RYR1: variants seen among roughly 807,000 people sequenced by gnomAD.
RYR1 encodes the protein ryanodine receptor 1.
RYR1 carries 342 observed loss-of-function variants against 583.5 expected under a neutral mutation model. The ratio of observed to expected loss-of-function variants is 0.59; its 90% CI spans 0.54 to 0.64. The LOEUF is 0.64. RYR1 is among the 30% of genes least tolerant of loss of function. RYR1 has a pLI of 0.00. For synonymous variants in RYR1, 2,791 were observed against 2,822.5 expected, an observed-to-expected ratio of 0.99 and a Z score of 0.35; for missense variants, 6,032 against 6,917.2, an observed-to-expected ratio of 0.87 and a Z score of 4.54.
rs143179371 is a variant in RYR1 at position 38,466,117 on chromosome 19, C to T, written c.2897C>T (p.Pro966Leu). The change falls in exon 24 of 106, where the codon CCG (proline) becomes CTG (leucine). Residue 966 changes from proline to leucine, a missense_variant. Physicochemically the swap from Pro to Leu is moderately conservative, Grantham distance 98. Around this residue, in one of 11 missense-constraint regions of RYR1, gnomAD observed 2,627 missense variants for 2,961.3 expected, o/e 0.89. Transcript: ENST00000359596. ...TATATGATGAGCAATGGGTACAAGCCGGCTCCGCTGGACCTGAGCCACGTG... is the reference window on the plus strand; with the variant it reads ...TATATGATGAGCAATGGGTACAAGCTGGCTCCGCTGGACCTGAGCCACGTG... ...KTYMMSNGYK[P>L]APLDLSHVRL... is the part of the protein sequence containing the mutation. 35 of 1,612,132 alleles carry T rather than the reference C, an allele frequency of 2.2e-5. No individual in the cohort carries two copies. Among genetic ancestry groups the T allele is most frequent in the African/African-American group, 8.0e-5 (6 of 74,884 alleles).
Position 38,444,467 on chromosome 19 carries a change from ACT to A in RYR1, c.538-114_538-113del, listed in dbSNP as rs1972841527. ...ATTTCCTGATCTGTGATCTCTGATG[ACT>A]CTGTCTCCCATCTGCCGGTTTCCGG... On this transcript the variant is annotated intron_variant, in intron 6 of 105. Transcript: ENST00000359596. The surrounding 1 kb of genome is among the most constrained non-coding windows in gnomAD (Gnocchi z 5.1). 1 of 909,686 alleles carries A rather than the reference ACT, an allele frequency of 1.1e-6. No individual in the cohort carries two copies. Among genetic ancestry groups the A allele is most frequent in the Admixed American group, 2.0e-5 (1 of 50,116 alleles). The allele number at this position is 909,686 out of a possible 1,614,324, so 56.4% of individuals were successfully genotyped here.
chr19:38,526,354 C>T (rs1040555268), intron 71 of RYR1, among the ~76,000 whole-genome samples: 5 of 151,710 alleles, frequency 3.3e-5, no homozygotes, highest in Non-Finnish European at 7.4e-5. Flanking sequence ...CAGGACCACA[C>T]CAACACCCTG....
At chr19:38,449,002 AAGAT>A (rs1388942456) in intron 11 of RYR1, among the ~76,000 whole-genome samples, 189 bp downstream of exon 11, 1 of 151,976 alleles carries the variant, frequency 6.6e-6, no homozygotes, top group African/African-American at 2.4e-5. Flanking sequence ...GACTGAGAGA[AAGAT>A]AGAGACTGGG....
At position 38,500,309 on chromosome 19, in the gene RYR1, G is replaced by A. The variant is rs1404727078; in HGVS notation, c.7323+293G>A. 6.6e-6 allele frequency among the ~76,000 whole-genome samples: 1 copy of A among 151,084 alleles called. No individual in the cohort carries two copies. The highest frequency in any genetic ancestry group is 1.5e-5 in the Non-Finnish European group (1 of 67,726). On this transcript the variant is annotated intron_variant, in intron 45 of 105. Transcript: ENST00000359596. This position sits in a 1 kb window ranked among gnomAD's most constrained non-coding sequence, Gnocchi z 5.9. ...GGGCACACGGAGAGGACTCAGGATG[G>A]GGATGGGGAACACAGGGAGAGGGGT...
Position 38,519,218 on chromosome 19 carries a change from C to T in RYR1, c.10023C>T (p.Phe3341=), listed in dbSNP as rs753154402. ...GAGCCCATCGCACCCCTGCAGTGTT[C>T]GCACAGCCCATTGTGAGCCGTGCAC... ...EASWMKRLAV[F]AQPIVSRARP... Residue 3341 remains phenylalanine, a synonymous_variant, in exon 67 of 106, where the codon TTC becomes TTT. Transcript: ENST00000359596. 9.3e-6 allele frequency: 15 copies of T among 1,613,972 alleles called. No homozygotes were observed. Among genetic ancestry groups the T allele is most frequent in the East Asian group, 8.9e-5 (4 of 44,880 alleles).
chr19:38,455,777 A>G, intron 16 of RYR1, 26 bp downstream of exon 16: 3 of 1,405,576 alleles, frequency 2.1e-6, no homozygotes, highest in Non-Finnish European at 3.0e-6. Context: ...CTGACCTCTC[A>G]TCCCCTGAAC....
rs2145844359 is a variant in RYR1, at chr19:38,565,205, G to A, written c.12871G>A (p.Ala4291Thr). The A allele has an allele frequency of 4.0e-6, 4 of 1,003,522 alleles. No homozygotes were observed. In the South Asian group the frequency reaches 1.3e-4, roughly 34 times the overall value. 62.2% of individuals were successfully genotyped at this position (1,003,522 alleles called of 1,614,324 possible). A position where few individuals can be genotyped will look rare whatever the true frequency, so the allele number is the denominator to read the frequency against. ...CGAGGGCACGGCGGCCACGGCGGCG[G>A]CGGGGGCGACGGCGCGGGTTGTGGC... is the stretch of plus-strand genomic sequence containing the variant. ...GLEGTAATAAAGATARVVAAA... is the reference protein window; with the variant it reads ...GLEGTAATAATGATARVVAAA... The change falls in exon 91 of 106, where the codon GCG becomes ACG. Residue 4291 changes from alanine to threonine, a missense_variant. Ala to Thr is a moderately conservative substitution (Grantham distance 58). Around this residue, in one of 11 missense-constraint regions of RYR1, gnomAD observed 753 missense variants for 759.6 expected, o/e 0.99. Coordinates refer to ENST00000359596, the MANE Select transcript of RYR1 (RefSeq NM_000540.3). This position sits in a 1 kb window ranked among gnomAD's most constrained non-coding sequence, Gnocchi z 4.7.
chr19:38,475,455 G>A lies in RYR1; in HGVS notation c.4293+5G>A. 5.6e-6 allele frequency: 9 copies of A among 1,613,344 alleles called. No individual in the cohort carries two copies. Among genetic ancestry groups the A allele is most frequent in the Non-Finnish European group, 7.6e-6 (9 of 1,180,004 alleles). ...ATCATCCTCAACACCACCACGGTGT[G>A]GACCAGTAACCCTCAATTTTGGGGT... is the stretch of plus-strand genomic sequence containing the variant. On this transcript the variant is annotated splice_donor_5th_base_variant and intron_variant, in intron 29 of 105. Transcript: ENST00000359596.
At chr19:38,446,286 A>T (rs554535848) in intron 7 of RYR1, among the ~76,000 whole-genome samples, 186 bp from the exon 8 acceptor site, 1 of 152,092 alleles carries the variant, frequency 6.6e-6, no homozygotes, top group Non-Finnish European at 1.5e-5. Flanking sequence ...CCCAAGTCTC[A>T]TATCCCCACT....
At position 38,572,196 on chromosome 19, in the gene RYR1, C is replaced by T. The variant is rs780958728; in HGVS notation, c.13924C>T (p.Pro4642Ser). Residue 4642 changes from proline (P) to serine (S), a missense_variant, in exon 95 of 106, where the codon CCC becomes TCC. Coordinates refer to ENST00000359596, the MANE Select transcript of RYR1 (RefSeq NM_000540.3). ...GGAGGAAAGCACAGGCTACATGGAA[C>T]CCGCCCTGCGGTGTCTGAGCCTCCT... ...FLEESTGYME[P>S]ALRCLSLLHT... The T allele has an allele frequency of 1.2e-6, 2 of 1,614,004 alleles. No individual in the cohort carries two copies. The highest frequency in any genetic ancestry group is 1.7e-6 in the Non-Finnish European group (2 of 1,180,006).
At chr19:38,479,402 A>G (rs910938655) in intron 31 of RYR1, among the ~76,000 whole-genome samples, 19 of 152,038 alleles carry the variant, frequency 1.2e-4, no homozygotes, top group African/African-American at 3.9e-4. Context: ...ATGAAATTTT[A>G]TTGCATTTTA....
At position 38,494,628 on chromosome 19, in the gene RYR1, G is replaced by T. The variant is rs2145578882; in HGVS notation, c.6548+3G>T. On this transcript the variant is annotated splice_donor_region_variant and intron_variant, in intron 39 of 105. Coordinates refer to ENST00000359596, the MANE Select transcript of RYR1 (RefSeq NM_000540.3). ...AACCTCATGATCCAGAGCATCGGGTGAGACACCGCCCTTCCCCCTTACTTT... is the reference window on the plus strand; with the variant it reads ...AACCTCATGATCCAGAGCATCGGGTTAGACACCGCCCTTCCCCCTTACTTT... 1 of 1,614,050 alleles carries T rather than the reference G, an allele frequency of 6.2e-7. No individual in the cohort carries two copies. Among genetic ancestry groups the T allele is most frequent in the Non-Finnish European group, 8.5e-7 (1 of 1,180,020 alleles).
At chr19:38,452,001 T>C in intron 12 of RYR1, 116 bp downstream of exon 12, 3 of 1,440,348 alleles carry the variant, frequency 2.1e-6, no homozygotes. Flanking sequence ...GTCTAACATA[T>C]ACATGGGCCA....
intron 27 of RYR1, among the ~76,000 whole-genome samples, chr19:38,470,735 C>T (rs1485105726): frequency 2.6e-5 from 4 of 152,042 alleles, no homozygotes; most frequent in Non-Finnish European, 5.9e-5. Context: ...AGAGCAAGAC[C>T]CTATCTTTAC....
chr19:38,523,835 G>A (rs1422462485), intron 69 of RYR1, 80 bp from the exon 70 acceptor site: 1 of 1,596,244 alleles, frequency 6.3e-7, no homozygotes, highest in East Asian at 2.2e-5. Flanking sequence ...GTGGGGTGCT[G>A]GCAACTTGGA....
chr19:38,537,002 A>G lies in RYR1; in HGVS notation c.11608+235A>G, dbSNP rs949791553. On this transcript the variant is annotated intron_variant, in intron 83 of 105. Transcript: ENST00000359596. ...TGTGAACAAGTCTCTTACCTTCCCT[A>G]AGCTTCACTTTCCCCATGTGTGAAG... 6.7e-6 allele frequency: 4 copies of G among 596,904 alleles called. No homozygotes were observed. The African/African-American group carries it at 7.4e-5, about 11-fold the overall frequency. The allele number at this position is 596,904 out of a possible 1,614,324, so 37.0% of individuals were successfully genotyped here. A position where few individuals can be genotyped will look rare whatever the true frequency, so the allele number is the denominator to read the frequency against.
intron 64 of RYR1, among the ~76,000 whole-genome samples, chr19:38,515,785 T>A (rs554454080): frequency 2.9e-4 from 44 of 152,154 alleles, no homozygotes; most frequent in East Asian, 2.7e-3. Flanking sequence ...CGACTTTTTT[T>A]AAAACTAGCT....
Position 38,565,499 on chromosome 19 carries a change from G to C in RYR1, c.13165G>C (p.Asp4389His). The C allele has an allele frequency of 1.3e-6, 2 of 1,505,300 alleles. No homozygotes were observed. The highest frequency in any genetic ancestry group is 1.8e-6 in the Non-Finnish European group (2 of 1,134,572). 93.2% of individuals were successfully genotyped at this position (1,505,300 alleles called of 1,614,324 possible). A position where few individuals can be genotyped will look rare whatever the true frequency, so the allele number is the denominator to read the frequency against. The change falls in exon 91 of 106, where the codon GAC becomes CAC. Residue 4389 changes from aspartate (D) to histidine (H), a missense_variant. Physicochemically the swap from Asp to His is moderately conservative, Grantham distance 81. This residue lies in a region of RYR1 where 753 missense variants were observed against 759.6 expected (regional missense o/e 0.99). Transcript: ENST00000359596. The surrounding 1 kb of genome is among the most constrained non-coding windows in gnomAD (Gnocchi z 4.7). ...GGCAGGCATGCCCGACCCCACCAGC[G>C]ACGAGGTGCACGGCGAGCAGCCGGC... ...LLAGMPDPTSDEVHGEQPAGP... is the reference protein window; with the variant it reads ...LLAGMPDPTSHEVHGEQPAGP...
chr19:38,455,210 A>ACGCC, intron 13 of RYR1, 25 bp from the exon 14 acceptor site: 4 of 1,613,710 alleles, frequency 2.5e-6, no homozygotes, highest in Non-Finnish European at 3.4e-6. Flanking sequence ...TCCTATTGTG[A>ACGCC]TGCCTCTTAT....
Sources: allele counts gnomAD v4.1 joint callset (sites outside exome capture counted in the v4.1 genomes callset), GRCh38; gene constraint gnomAD v4.1.1; regional missense constraint gnomAD v4.1.1; non-coding constraint Gnocchi (gnomAD v3.1); transcripts MANE v1.5; gene names NCBI Gene and HGNC (gene_info 2026-07-23, HGNC 2026-07-21).